Variants in ADGRD1 observed in about 807,000 individuals in gnomAD.
ADGRD1 encodes G-protein coupled receptor 133.
Under a neutral mutation model 113.4 loss-of-function variants are expected in ADGRD1, and 77 were observed. The observed-to-expected ratio is 0.68, with a 90% CI of 0.57 to 0.82. The LOEUF is 0.82. ADGRD1 is among the 40% of genes least tolerant of loss of function. The pLI, the probability that ADGRD1 is intolerant of heterozygous loss-of-function variation, is 0.00. For synonymous variants in ADGRD1, 474 were observed against 475.0 expected, an observed-to-expected ratio of 1.00 and a Z score of 0.03; for missense variants, 1,036 against 1,139.1, an observed-to-expected ratio of 0.91 and a Z score of 1.30.
rs774086029 is a variant in ADGRD1 at position 130,991,043 on chromosome 12, C to T, written c.775C>T (p.Pro259Ser). 2 of 1,614,110 alleles carry T rather than the reference C, an allele frequency of 1.2e-6. No homozygotes were observed. Among genetic ancestry groups the T allele is most frequent in the South Asian group, 2.2e-5 (2 of 91,070 alleles). ...GCATGCTTTATTGTCTTCAACGCTG[C>T]CAAGCCTCTTCATGACATCCACAGC... ...GKHALLSSTL[P>S]SLFMTSTASP... The change falls in exon 7 of 25, where the codon CCA becomes TCA. Residue 259 changes from proline to serine, a missense_variant. Pro to Ser is a moderately conservative substitution (Grantham distance 74). Transcript: ENST00000261654.
chr12:130,996,094 G>A (rs575017795), intron 8 of ADGRD1, among the ~76,000 whole-genome samples: 1 of 152,294 alleles, frequency 6.6e-6, no homozygotes, highest in African/African-American at 2.4e-5. Flanking sequence ...AGGTTTGGGG[G>A]TAAGGTCATA....
At chr12:131,051,497 T>TTTC (rs1321890777) in intron 13 of ADGRD1, among the ~76,000 whole-genome samples, 6 of 151,928 alleles carry the variant, frequency 3.9e-5, no homozygotes, top group Non-Finnish European at 8.8e-5. Flanking sequence ...TTTTTTTTTT[T>TTTC]TTTGGAGCCA....
rs1026568225 is a variant in ADGRD1 at position 131,084,683 on chromosome 12, G to A, written c.1671+20G>A. 1.9e-6 allele frequency: 3 copies of A among 1,613,380 alleles called. No homozygotes were observed. Among genetic ancestry groups the A allele is most frequent in the Non-Finnish European group, 2.5e-6 (3 of 1,179,664 alleles). Reference sequence around the variant, plus strand: ...CTGGAGGTAAGAGCCAGGCCTCAGGGGTCGCGGGACCTGGGGGACGTACCA... The same window carrying A: ...CTGGAGGTAAGAGCCAGGCCTCAGGAGTCGCGGGACCTGGGGGACGTACCA... On this transcript the variant is annotated intron_variant, in intron 15 of 24. Coordinates refer to ENST00000261654, the MANE Select transcript of ADGRD1 (RefSeq NM_198827.5). The surrounding 1 kb of genome is among the most constrained non-coding windows in gnomAD (Gnocchi z 4.5).
chr12:131,011,245 C>G (rs1482584599), intron 12 of ADGRD1, among the ~76,000 whole-genome samples: 1 of 149,934 alleles, frequency 6.7e-6, no homozygotes, highest in African/African-American at 2.5e-5. Context: ...CCTAAGGAGG[C>G]GTCTGGCCCC....
At position 131,041,903 on chromosome 12, in the gene ADGRD1, C is replaced by G. The variant is rs1882171400; in HGVS notation, c.1473+27563C>G. 6.6e-6 allele frequency among the ~76,000 whole-genome samples: 1 copy of G among 152,170 alleles called. No homozygotes were observed. The highest frequency in any genetic ancestry group is 1.5e-5 in the Non-Finnish European group (1 of 68,026). Reference sequence around the variant, plus strand: ...GCTGACATTGACATGACCTAGGGTTCCTTTGCAGTCGGGTTTGTTATCCGA... The same window carrying G: ...GCTGACATTGACATGACCTAGGGTTGCTTTGCAGTCGGGTTTGTTATCCGA... On this transcript the variant is annotated intron_variant, in intron 13 of 24. Coordinates refer to ENST00000261654, the MANE Select transcript of ADGRD1 (RefSeq NM_198827.5). The surrounding 1 kb of genome is among the most constrained non-coding windows in gnomAD (Gnocchi z 4.4).
In ADGRD1 at chr12:131,084,830, G is replaced by C. The variant is rs909364284; in HGVS notation, c.1671+167G>C. 6.6e-6 allele frequency among the ~76,000 whole-genome samples: 1 copy of C among 152,222 alleles called. No homozygotes were observed. Among genetic ancestry groups the C allele is most frequent in the Admixed American group, 6.5e-5 (1 of 15,286 alleles). On this transcript the variant is annotated intron_variant, in intron 15 of 24. Transcript: ENST00000261654. The surrounding 1 kb of genome is among the most constrained non-coding windows in gnomAD (Gnocchi z 4.5). ...CATTCTCTTGGCTTCTGTAGTCCAG[G>C]GTCCTGCATGTATTGGGTGCCAGCA...
chr12:130,983,703 A>C (rs1873289499), intron 5 of ADGRD1, among the ~76,000 whole-genome samples: 1 of 152,238 alleles, frequency 6.6e-6, no homozygotes, highest in Non-Finnish European at 1.5e-5. Flanking sequence ...CCTAGGGTCC[A>C]AGCGTGCTCC....
chr12:131,066,353 G>A (rs987161100), intron 13 of ADGRD1, among the ~76,000 whole-genome samples: 1 of 152,190 alleles, frequency 6.6e-6, no homozygotes, highest in African/African-American at 2.4e-5. Context: ...ACTCCGAGGG[G>A]TGACTCCATC....
intron 13 of ADGRD1, among the ~76,000 whole-genome samples, chr12:131,034,508 G>C (rs112256342): frequency 6.6e-6 from 1 of 152,284 alleles, no homozygotes; most frequent in African/African-American, 2.4e-5. Flanking sequence ...TCCTTCACTA[G>C]AAAGTAAACT....
At position 131,054,282 on chromosome 12, in the gene ADGRD1, TC is replaced by T. The variant is rs533213501; in HGVS notation, c.1474-22517del. 3.9e-5 allele frequency among the ~76,000 whole-genome samples: 6 copies of T among 152,334 alleles called. No individual in the cohort carries two copies. In the East Asian group the frequency reaches 1.2e-3, roughly 29 times the overall value. The stretch of plus-strand genomic sequence containing the variant: ...TTTGTAATCCCTGTCCCCTCCCTGT[TC>T]CTTCCCACCTCCCTCCCCTGTCCCA... On this transcript the variant is annotated intron_variant, in intron 13 of 24. Transcript: ENST00000261654.
At chr12:131,130,494 C>T (rs561997301) in intron 20 of ADGRD1, among the ~76,000 whole-genome samples, 24 of 152,346 alleles carry the variant, frequency 1.6e-4, no homozygotes, top group Admixed American at 5.9e-4. Context: ...CAGACAGGGC[C>T]GGTCTCCTGC....
Position 131,104,902 on chromosome 12 carries a change from G to A in ADGRD1, c.1743G>A (p.Leu581=). The A allele has an allele frequency of 1.9e-6, 3 of 1,551,252 alleles. No individual in the cohort carries two copies. The highest frequency in any genetic ancestry group is 2.4e-5 in the South Asian group (2 of 83,978). ...YVGCSLSVLC[L]VATLVTFAVL... The stretch of plus-strand genomic sequence containing the variant: ...GCTGCTCCCTCTCCGTGCTCTGCCT[G>A]GTGGCCACGCTGGTCACCTTCGCCG... Residue 581 remains leucine (L), a synonymous_variant, in exon 16 of 25, where the codon CTG becomes CTA. Coordinates refer to ENST00000261654, the MANE Select transcript of ADGRD1 (RefSeq NM_198827.5).
chr12:130,966,761 T>A lies in ADGRD1; in HGVS notation c.187+215T>A. ...ACGGTGATAGAGATGAACAAATACT[T>A]GTGTAACTTCCCGTAATAGTTATTT... On this transcript the variant is annotated intron_variant, in intron 3 of 24. Transcript: ENST00000261654. This position sits in a 1 kb window ranked among gnomAD's most constrained non-coding sequence, Gnocchi z 4.6. The A allele has an allele frequency of 1.8e-6, 1 of 560,302 alleles. No individual in the cohort carries two copies. Among genetic ancestry groups the A allele is most frequent in the Non-Finnish European group, 3.2e-6 (1 of 312,406 alleles). The allele number at this position is 560,302 out of a possible 1,614,324, so 34.7% of individuals were successfully genotyped here. A position where few individuals can be genotyped will look rare whatever the true frequency, so the allele number is the denominator to read the frequency against.
At chr12:131,035,832 A>T (rs1881310409) in intron 13 of ADGRD1, among the ~76,000 whole-genome samples, 1 of 152,222 alleles carries the variant, frequency 6.6e-6, no homozygotes, top group Non-Finnish European at 1.5e-5. Flanking sequence ...GCACACAGAC[A>T]TGAACGTTTT....
intron 12 of ADGRD1, among the ~76,000 whole-genome samples, chr12:131,011,630 T>A (rs1185161742): frequency 6.6e-6 from 1 of 152,148 alleles, no homozygotes; most frequent in African/African-American, 2.4e-5. Context: ...CATCAGGAAA[T>A]GTCCACGGAG....
At chr12:131,091,225 A>G (rs1361992951) in intron 15 of ADGRD1, among the ~76,000 whole-genome samples, 1 of 152,234 alleles carries the variant, frequency 6.6e-6, no homozygotes, top group Non-Finnish European at 1.5e-5. Context: ...CATCCAGAAC[A>G]GACCCTGTAA....
At chr12:131,114,151 A>T in intron 18 of ADGRD1, among the ~76,000 whole-genome samples, 1 of 152,166 alleles carries the variant, frequency 6.6e-6, no homozygotes, top group Non-Finnish European at 1.5e-5. Flanking sequence ...TGTGTGTTTG[A>T]CAGACAGAGA....
At chr12:130,995,327 C>T (rs1371655140) in intron 8 of ADGRD1, among the ~76,000 whole-genome samples, 1 of 152,210 alleles carries the variant, frequency 6.6e-6, no homozygotes, top group Non-Finnish European at 1.5e-5. Context: ...TGGGTGGAGG[C>T]CAAGGCAGCT....
intron 8 of ADGRD1, among the ~76,000 whole-genome samples, chr12:130,996,062 C>T (rs943238403): frequency 2.6e-5 from 4 of 152,164 alleles, no homozygotes; most frequent in African/African-American, 7.2e-5. Flanking sequence ...TGAGTGGACA[C>T]AGCACATGTT....
Sources: gnomAD v4.1 joint callset for allele counts (sites outside exome capture counted in the v4.1 genomes callset) on GRCh38, gnomAD v4.1.1 for gene constraint, Gnocchi (gnomAD v3.1) non-coding constraint, MANE v1.5 for transcripts, NCBI Gene and HGNC (gene_info 2026-07-23, HGNC 2026-07-21) for gene names.